ARHGAP32: variants seen among roughly 807,000 people sequenced by gnomAD.
ARHGAP32 encodes rho GTPase-activating protein 32.
In ARHGAP32, 51 loss-of-function variants were observed where a neutral mutation model predicts 186.5. The observed-to-expected ratio is 0.27, with a 90% CI of 0.22 to 0.35. The LOEUF is 0.35. Among genes scored for constraint, ARHGAP32 ranks in the 10% least tolerant of loss-of-function variants. The pLI, the probability that ARHGAP32 is intolerant of heterozygous loss-of-function variation, is 1.00. For missense variants in ARHGAP32, 2,186 were observed against 2,623.5 expected (o/e 0.83, Z 3.64); for synonymous variants, 950 against 964.3 (o/e 0.99, Z 0.27).
In ARHGAP32 at chr11:128,969,609, G is replaced by A. The variant is rs745771285; in HGVS notation, c.5604C>T (p.Ser1868=). ...GHGSTQPEKP[S]LPQKQSSLRS... is the part of the protein sequence containing the mutation. Reference sequence around the variant, plus strand: ...TCAGGCTGCTCTGCTTCTGAGGCAGGGATGGCTTCTCCGGCTGCGTGCTAC... The same window carrying A: ...TCAGGCTGCTCTGCTTCTGAGGCAGAGATGGCTTCTCCGGCTGCGTGCTAC... The change falls in exon 23 of 23, where the codon TCC becomes TCT. Residue 1868 remains serine (S), a synonymous_variant. Coordinates refer to ENST00000682385, the MANE Select transcript of ARHGAP32 (RefSeq NM_001378024.1). This position sits in a 1 kb window ranked among gnomAD's most constrained non-coding sequence, Gnocchi z 4.8. The A allele has an allele frequency of 1.9e-6, 3 of 1,614,026 alleles. No individual in the cohort carries two copies. The highest frequency in any genetic ancestry group is 2.2e-5 in the South Asian group (2 of 91,080).
Position 129,000,707 on chromosome 11 carries a change from G to C in ARHGAP32, c.1046-2239C>G, listed in dbSNP as rs546550850. Among the ~76,000 whole-genome samples, 109 of 152,074 alleles carry C rather than the reference G, an allele frequency of 7.2e-4. 4 individuals carry two copies. In the Middle Eastern group the frequency reaches 0.014, roughly 19 times the overall value. ...CAGCCTGTTGTGCTATCAAATGCTA[G>C]GTCTTACTCATTCTTTCTATTTTTT... On this transcript the variant is annotated intron_variant, in intron 11 of 22. Coordinates refer to ENST00000682385, the MANE Select transcript of ARHGAP32 (RefSeq NM_001378024.1).
At chr11:129,023,239 A>G (rs192230696) in intron 11 of ARHGAP32, among the ~76,000 whole-genome samples, 2 of 152,304 alleles carry the variant, frequency 1.3e-5, no homozygotes, top group East Asian at 3.9e-4. Context: ...TAGTGGTAAA[A>G]TCTCTGAGAT....
rs1200666665 is a variant in ARHGAP32, at chr11:128,969,779, G to T, written c.5434C>A (p.Pro1812Thr). 6.2e-7 allele frequency: 1 copy of T among 1,614,116 alleles called. No homozygotes were observed. The highest frequency in any genetic ancestry group is 8.5e-7 in the Non-Finnish European group (1 of 1,180,026). ...ACTGAGAGAAGTCCAGTTTTCCCAG[G>T]ATCTGATTTACTACGCAGATGGATG... ...YVIHLRSKSD[P>T]GKTGLLSVAE... is the part of the protein sequence containing the mutation. Residue 1812 changes from proline (P) to threonine (T), a missense_variant, in exon 23 of 23, where the codon CCT (proline) becomes ACT (threonine). Pro to Thr is a conservative substitution (Grantham distance 38). Around this residue, in one of 5 missense-constraint regions of ARHGAP32, gnomAD observed 1,502 missense variants for 1,570.0 expected, o/e 0.96. Transcript: ENST00000682385. This position sits in a 1 kb window ranked among gnomAD's most constrained non-coding sequence, Gnocchi z 4.8.
At chr11:129,277,822 T>C (rs1338691852) in intron 1 of ARHGAP32, among the ~76,000 whole-genome samples, 1 of 152,222 alleles carries the variant, frequency 6.6e-6, no homozygotes, top group African/African-American at 2.4e-5. Context: ...AAACACAACA[T>C]TGAGTACTTG....
intron 6 of ARHGAP32, among the ~76,000 whole-genome samples, chr11:129,077,817 T>A (rs903364797): frequency 1.3e-5 from 2 of 152,072 alleles, no homozygotes; most frequent in African/African-American, 4.8e-5. Context: ...ATCCCCTCTA[T>A]ACTACCACAG....
chr11:129,104,442 A>T (rs979631252), intron 5 of ARHGAP32, among the ~76,000 whole-genome samples: 1 of 152,064 alleles, frequency 6.6e-6, no homozygotes, highest in Non-Finnish European at 1.5e-5. Context: ...TTAGCCTTTA[A>T]ATTAGGTTTT....
chr11:129,155,241 G>A (rs2135462892), intron 2 of ARHGAP32, among the ~76,000 whole-genome samples: 1 of 152,172 alleles, frequency 6.6e-6, no homozygotes, highest in East Asian at 1.9e-4. Context: ...CAACTGAACA[G>A]CATTTCAATT....
intron 19 of ARHGAP32, among the ~76,000 whole-genome samples, chr11:128,977,288 A>G (rs1945573751): frequency 6.6e-6 from 1 of 152,252 alleles, no homozygotes; most frequent in Non-Finnish European, 1.5e-5. Flanking sequence ...CTTTACGTAC[A>G]TATGTGAATC....
upstream of ARHGAP32, among the ~76,000 whole-genome samples, chr11:129,192,566 TA>T (rs1278928619): frequency 1.1e-4 from 16 of 152,358 alleles, no homozygotes; most frequent in African/African-American, 3.8e-4. Context: ...GCTTTATTTG[TA>T]TCCTTTTTTG....
Position 128,998,329 on chromosome 11 carries a change from A to C in ARHGAP32, c.1185T>G (p.Ser395=), listed in dbSNP as rs1352740496. 4 of 1,568,642 alleles carry C rather than the reference A, an allele frequency of 2.5e-6. No homozygotes were observed. The Admixed American group carries it at 7.3e-5, about 29-fold the overall frequency. ...ACATTTTATTTTTACCTTCAAAACC[A>C]GAATTTAGAAGGTGTTCCCCCAGGT... ...GCDLGEHLLN[S]GFEVPQVLQS... The change falls in exon 12 of 23, where the codon TCT becomes TCG. Residue 395 remains serine (S), a synonymous_variant. Coordinates refer to ENST00000682385, the MANE Select transcript of ARHGAP32 (RefSeq NM_001378024.1).
At chr11:129,035,670 C>A (rs991518820) in intron 11 of ARHGAP32, among the ~76,000 whole-genome samples, 1 of 151,794 alleles carries the variant, frequency 6.6e-6, no homozygotes, top group Non-Finnish European at 1.5e-5. Flanking sequence ...AACATGAAAC[C>A]TCACCTCTAC....
intron 12 of ARHGAP32, among the ~76,000 whole-genome samples, chr11:128,990,362 T>C (rs907702557): frequency 1.3e-5 from 2 of 152,150 alleles, no homozygotes; most frequent in Non-Finnish European, 2.9e-5. Context: ...CCATGCATCG[T>C]CCATCTTTGT....
chr11:128,982,069 T>A, intron 15 of ARHGAP32, 133 bp from the exon 16 acceptor site: 1 of 524,862 alleles, frequency 1.9e-6, no homozygotes. Flanking sequence ...AAGAGAACTT[T>A]TTTTTCCTGC....
At chr11:129,013,947 G>A (rs1206778741) in intron 11 of ARHGAP32, among the ~76,000 whole-genome samples, 1 of 152,114 alleles carries the variant, frequency 6.6e-6, no homozygotes, top group African/African-American at 2.4e-5. Flanking sequence ...ACAGAACACT[G>A]GCAAGCAAGG....
At position 129,188,605 on chromosome 11, in the gene ARHGAP32, G is replaced by C. The variant is rs992950999; in HGVS notation, c.116+3478C>G. Among the ~76,000 whole-genome samples, 147 of 152,166 alleles carry C rather than the reference G, an allele frequency of 9.7e-4. 1 individual carries two copies. The highest frequency in any genetic ancestry group is 3.5e-3 in the African/African-American group (144 of 41,446). On this transcript the variant is annotated intron_variant, in intron 1 of 22. Coordinates refer to ENST00000682385, the MANE Select transcript of ARHGAP32 (RefSeq NM_001378024.1). Reference sequence around the variant, plus strand: ...CACGGTCCAGGGGTTGGGAACCCCTGAGGTAGAGGATGAATAATGCAACCA... The same window carrying C: ...CACGGTCCAGGGGTTGGGAACCCCTCAGGTAGAGGATGAATAATGCAACCA...
chr11:129,043,387 T>TC (rs1267780128), intron 10 of ARHGAP32, among the ~76,000 whole-genome samples: 69 of 146,092 alleles, frequency 4.7e-4, no homozygotes, highest in Non-Finnish European at 8.0e-4. Flanking sequence ...TTTTCTTTTT[T>TC]TTTTTTTTTT....
intron 2 of ARHGAP32, among the ~76,000 whole-genome samples, chr11:129,133,898 T>C (rs1345628364): frequency 6.6e-6 from 1 of 152,198 alleles, no homozygotes; most frequent in Non-Finnish European, 1.5e-5. Flanking sequence ...TGCTTTAAAA[T>C]ATATGTGCCA....
chr11:129,086,559 C>T (rs1661967), intron 6 of ARHGAP32, among the ~76,000 whole-genome samples: 47,441 of 151,900 alleles, frequency 0.31, 9,765 homozygotes, highest in African/African-American at 0.56. Context: ...TGGTGGCTCA[C>T]GCCTGTAATC....
intron 2 of ARHGAP32, among the ~76,000 whole-genome samples, chr11:129,132,973 G>A (rs1042333721): frequency 6.6e-6 from 1 of 152,180 alleles, no homozygotes; most frequent in Non-Finnish European, 1.5e-5. Context: ...AATACCCTGA[G>A]ACTGGGTAAT....
Sources: gnomAD v4.1 joint callset for allele counts (sites outside exome capture counted in the v4.1 genomes callset) on GRCh38, gnomAD v4.1.1 for gene constraint, gnomAD v4.1.1 regional missense constraint, Gnocchi (gnomAD v3.1) non-coding constraint, MANE v1.5 for transcripts, NCBI Gene and HGNC (gene_info 2026-07-23, HGNC 2026-07-21) for gene names.